Variants in CCDC88C observed in about 807,000 individuals in gnomAD.
CCDC88C encodes the protein coiled-coil and HOOK domain protein 88C.
In CCDC88C, 131 loss-of-function variants were observed where a neutral mutation model predicts 198.8. That is an observed-to-expected ratio of 0.66 (90% CI 0.57 to 0.76). The LOEUF (loss-of-function observed/expected upper bound fraction) is 0.76, where lower values mean the gene tolerates loss of function less well. CCDC88C is among the 30% of genes least tolerant of loss of function. The pLI, the probability that CCDC88C is intolerant of heterozygous loss-of-function variation, is 0.00. For synonymous variants in CCDC88C, 1,166 were observed against 1,114.7 expected, an observed-to-expected ratio of 1.05 and a Z score of -0.92; for missense variants, 2,553 against 2,631.6, an observed-to-expected ratio of 0.97 and a Z score of 0.65.
intron 13 of CCDC88C, among the ~76,000 whole-genome samples, chr14:91,317,210 G>T (rs1045771887): frequency 6.6e-6 from 1 of 152,236 alleles, no homozygotes; most frequent in Non-Finnish European, 1.5e-5. Context: ...GGTGCCTTGA[G>T]TTAGAGAGAA....
chr14:91,376,389 C>A (rs61988429), intron 3 of CCDC88C, among the ~76,000 whole-genome samples: 4 of 152,070 alleles, frequency 2.6e-5, no homozygotes, highest in Non-Finnish European at 4.4e-5. Context: ...GTTTAGTGAG[C>A]CCCCGTCCCC....
At chr14:91,385,638 C>T (rs1329141615) in intron 3 of CCDC88C, among the ~76,000 whole-genome samples, 2 of 152,058 alleles carry the variant, frequency 1.3e-5, no homozygotes, top group Non-Finnish European at 2.9e-5. Context: ...CAGGGTGTGC[C>T]GAACAGGGGG....
chr14:91,366,203 G>C (rs1052729316), intron 3 of CCDC88C, among the ~76,000 whole-genome samples: 36 of 116,630 alleles, frequency 3.1e-4, no homozygotes, highest in East Asian at 2.1e-3. Context: ...CACACACACA[G>C]GGCTGGGCAT....
intron 4 of CCDC88C, among the ~76,000 whole-genome samples, chr14:91,345,187 TA>T (rs1244396488): frequency 0.041 from 3,394 of 82,376 alleles, 128 homozygotes; most frequent in African/African-American, 0.07. Flanking sequence ...TATATATATA[TA>T]TATTTTTTTT....
At chr14:91,336,643 C>A (rs1032280770) in intron 10 of CCDC88C, among the ~76,000 whole-genome samples, 1 of 152,248 alleles carries the variant, frequency 6.6e-6, no homozygotes, top group Non-Finnish European at 1.5e-5. Flanking sequence ...GAGAAACGGT[C>A]TACCCTCCCC....
intron 10 of CCDC88C, 56 bp from the exon 11 acceptor site, chr14:91,326,112 G>C: frequency 2.0e-6 from 3 of 1,523,596 alleles, no homozygotes; most frequent in Admixed American, 3.7e-5. Context: ...GGGTCATTAG[G>C]ATGGAATTCT....
rs955839488 is a variant in CCDC88C at position 91,303,191 on chromosome 14, AG to A, written c.3635+509del. ...CTCAGGCCCCGCTGCAGGCCTACCCAGGGGCCCCACCTCCACCCTCCTTCAC... is the reference window on the plus strand; with the variant it reads ...CTCAGGCCCCGCTGCAGGCCTACCCAGGGCCCCACCTCCACCCTCCTTCAC... On this transcript the variant is annotated intron_variant, in intron 20 of 29. Coordinates refer to ENST00000389857, the MANE Select transcript of CCDC88C (RefSeq NM_001080414.4). Among the ~76,000 whole-genome samples, 4 of 151,208 alleles carry A rather than the reference AG, an allele frequency of 2.6e-5. No individual in the cohort carries two copies. The South Asian group carries it at 8.4e-4, about 32-fold the overall frequency.
intron 22 of CCDC88C, 113 bp downstream of exon 22, chr14:91,297,190 TTC>T (rs1891043770): frequency 2.8e-6 from 3 of 1,080,148 alleles, no homozygotes; most frequent in South Asian, 1.5e-5. Flanking sequence ...CTCCACACAT[TTC>T]TGTCTTTGAG....
chr14:91,287,153 A>C (rs1890444724), intron 25 of CCDC88C, among the ~76,000 whole-genome samples: 1 of 152,190 alleles, frequency 6.6e-6, no homozygotes. Context: ...GAGATGACAA[A>C]TGTCCAAAAA....
Position 91,272,843 on chromosome 14 carries a change from G to A in CCDC88C, c.5869C>T (p.Arg1957Trp), listed in dbSNP as rs542728730. Residue 1957 changes from arginine (R) to tryptophan (W), a missense_variant, in exon 30 of 30, where the codon CGG (arginine) becomes TGG (tryptophan). By Grantham distance (101) the Arg-to-Trp change is moderately radical. Transcript: ENST00000389857. ...SGEVATITPV[R>W]AGLSLSEGDG... ...CCCTCTGAGAGGCTGAGCCCTGCCC[G>A]GACAGGGGTGATGGTGGCCACCTCC... is the stretch of plus-strand genomic sequence containing the variant. The A allele has an allele frequency of 1.7e-4, 277 of 1,592,938 alleles. 4 individuals carry two copies. In the South Asian group the frequency reaches 2.7e-3, roughly 16 times the overall value.
At chr14:91,329,873 G>A (rs1285965020) in intron 10 of CCDC88C, among the ~76,000 whole-genome samples, 1 of 152,192 alleles carries the variant, frequency 6.6e-6, no homozygotes, top group African/African-American at 2.4e-5. Flanking sequence ...CACCTCATTT[G>A]GGCCAGACCC....
intron 15 of CCDC88C, among the ~76,000 whole-genome samples, chr14:91,312,453 C>T (rs1329472902): frequency 6.6e-6 from 1 of 152,086 alleles, no homozygotes; most frequent in Admixed American, 6.6e-5. Flanking sequence ...GAGGCCGAGG[C>T]GGGTGGGTCA....
Position 91,313,491 on chromosome 14 carries a change from C to A in CCDC88C, c.2325G>T (p.Leu775=). The A allele has an allele frequency of 6.2e-7, 1 of 1,607,802 alleles. No homozygotes were observed. The part of the protein sequence containing the change: ...SAENLRLQQS[L]ESSSHKTQTL... Reference sequence around the variant, plus strand: ...TCTGCGTCTTGTGGCTGCTGCTCTCCAGGCTCTGCTGCAGCCGGAGGTTCT... The same window carrying A: ...TCTGCGTCTTGTGGCTGCTGCTCTCAAGGCTCTGCTGCAGCCGGAGGTTCT... The change falls in exon 15 of 30, where the codon CTG becomes CTT. Residue 775 remains leucine, a synonymous_variant. Transcript: ENST00000389857. The surrounding 1 kb of genome is among the most constrained non-coding windows in gnomAD (Gnocchi z 5.2).
intron 3 of CCDC88C, among the ~76,000 whole-genome samples, chr14:91,367,999 G>T (rs937811393): frequency 6.6e-6 from 1 of 152,110 alleles, no homozygotes; most frequent in Admixed American, 6.6e-5. Flanking sequence ...CCCTTCTGCG[G>T]CACTTTCTAC....
chr14:91,351,428 CTGTT>C (rs1447439942), intron 4 of CCDC88C, among the ~76,000 whole-genome samples: 1 of 152,168 alleles, frequency 6.6e-6, no homozygotes, highest in Non-Finnish European at 1.5e-5. Flanking sequence ...ACGAGAAGAG[CTGTT>C]TATTATTATT....
intron 2 of CCDC88C, among the ~76,000 whole-genome samples, chr14:91,411,757 G>A (rs942163750): frequency 1.3e-5 from 2 of 152,154 alleles, no homozygotes; most frequent in Non-Finnish European, 2.9e-5. Flanking sequence ...GAGGTCAGGA[G>A]TTCGAGACCA....
At chr14:91,279,168 G>A in intron 28 of CCDC88C, 70 bp downstream of exon 28, 1 of 1,331,228 alleles carries the variant, frequency 7.5e-7, no homozygotes, top group Non-Finnish European at 1.1e-6. Context: ...CCAAAGTGCT[G>A]ATTATAGGCA....
rs956869112 is a variant in CCDC88C at position 91,339,795 on chromosome 14, G to A, written c.624+89C>T. 5.7e-6 allele frequency: 8 copies of A among 1,401,060 alleles called. No individual in the cohort carries two copies. Among genetic ancestry groups the A allele is most frequent in the African/African-American group, 2.9e-5 (2 of 69,070 alleles). 86.8% of individuals were successfully genotyped at this position (1,401,060 alleles called of 1,614,324 possible). ...CCACCAGAACCTCAGCAGCAGGACC[G>A]AGGCGTCTAGGCTGAAGATGAAGGG... is the stretch of plus-strand genomic sequence containing the variant. On this transcript the variant is annotated intron_variant, in intron 7 of 29. Coordinates refer to ENST00000389857, the MANE Select transcript of CCDC88C (RefSeq NM_001080414.4). This position sits in a 1 kb window ranked among gnomAD's most constrained non-coding sequence, Gnocchi z 5.8.
chr14:91,295,993 C>T lies in CCDC88C; in HGVS notation c.3966+1312G>A, dbSNP rs188214630. On this transcript the variant is annotated intron_variant, in intron 22 of 29. Transcript: ENST00000389857. ...GCACTGCCTGCAAGCCAGGGAGAGG[C>T]CTTGGGAGAAACCAGCTCAGCCCTG... 1.2e-3 allele frequency among the ~76,000 whole-genome samples: 181 copies of T among 152,312 alleles called. 2 individuals are homozygous for T. Among genetic ancestry groups the T allele is most frequent in the African/African-American group, 4.2e-3 (173 of 41,578 alleles).
Sources: gnomAD v4.1 joint callset for allele counts (sites outside exome capture counted in the v4.1 genomes callset) on GRCh38, gnomAD v4.1.1 for gene constraint, Gnocchi (gnomAD v3.1) non-coding constraint, MANE v1.5 for transcripts, NCBI Gene and HGNC (gene_info 2026-07-23, HGNC 2026-07-21) for gene names.